GNB4: variants seen among roughly 807,000 people sequenced by gnomAD.
The protein encoded by GNB4 is guanine nucleotide-binding protein subunit beta-4.
GNB4 carries 28 observed loss-of-function variants against 45.2 expected under a neutral mutation model. That is an observed-to-expected ratio of 0.62 (90% CI 0.46 to 0.85). GNB4 has a LOEUF of 0.85. Among genes scored for constraint, GNB4 ranks in the 40% least tolerant of loss-of-function variants. The pLI, the probability that GNB4 is intolerant of heterozygous loss-of-function variation, is 0.00. For synonymous variants in GNB4, 132 were observed against 143.7 expected (o/e 0.92, Z 0.58); for missense variants, 321 against 425.4 (o/e 0.75, Z 2.16).
chr3:179,489,563 C>T, the GNB4 span, among the ~76,000 whole-genome samples: 24 of 152,108 alleles, frequency 1.6e-4, no homozygotes, highest in African/African-American at 4.1e-4. Flanking sequence ...ATCACTTGAG[C>T]GCAGGAGTCT....
chr3:179,420,470 A>T (rs12488106), intron 3 of GNB4, among the ~76,000 whole-genome samples: 60,437 of 119,034 alleles, frequency 0.51, 12,509 homozygotes, highest in Admixed American at 0.61. Flanking sequence ...ATATATATAT[A>T]TTTTTTTTTG....
At chr3:179,501,298 ATTTT>A in the GNB4 span, among the ~76,000 whole-genome samples, 5 of 131,202 alleles carry the variant, frequency 3.8e-5, no homozygotes, top group Non-Finnish European at 1.6e-5. Flanking sequence ...AATTGCCTAC[ATTTT>A]TTTTTTTTTT....
Position 179,398,923 on chromosome 3 carries a change from T to C in GNB4, c.*2290A>G, listed in dbSNP as rs1714201509. 6.6e-6 allele frequency: 1 copy of C among 152,208 alleles called. No homozygotes were observed. Among genetic ancestry groups the C allele is most frequent in the South Asian group, 2.1e-4 (1 of 4,828 alleles). The allele number at this position is 152,208 out of a possible 1,614,324, so 9.4% of individuals were successfully genotyped here. ...TAAACTTTAAGAACATTAAAATAAA[T>C]GTAATTTTAAAATATGTTAAGACCA... On this transcript the variant is annotated 3_prime_UTR_variant, in exon 10 of 10. Coordinates refer to ENST00000232564, the MANE Select transcript of GNB4 (RefSeq NM_021629.4).
the GNB4 span, among the ~76,000 whole-genome samples, chr3:179,527,130 T>C: frequency 7.2e-5 from 11 of 151,978 alleles, no homozygotes; most frequent in Non-Finnish European, 1.6e-4. Flanking sequence ...ATGGAGTCAA[T>C]GACTTCTGCT....
rs2108575181 is a variant in GNB4, at chr3:179,401,334, C to A, written c.917-15G>T. On this transcript the variant is annotated splice_polypyrimidine_tract_variant and intron_variant, in intron 9 of 9. Transcript: ENST00000232564. ...AGCAAGGACACCTGAAAAAAAAATT[C>A]AGTAAAAAATTGGCAATTGTAGGGT... 1 of 1,591,694 alleles carries A rather than the reference C, an allele frequency of 6.3e-7. No homozygotes were observed. The highest frequency in any genetic ancestry group is 1.3e-5 in the African/African-American group (1 of 74,238).
the GNB4 span, among the ~76,000 whole-genome samples, chr3:179,517,111 G>A: frequency 1.3e-5 from 2 of 152,174 alleles, no homozygotes; most frequent in Non-Finnish European, 2.9e-5. Flanking sequence ...TATTCCCCGT[G>A]ACCTGCACAT....
intron 6 of GNB4, 125 bp downstream of exon 6, chr3:179,414,760 A>C: frequency 1.6e-6 from 1 of 627,690 alleles, no homozygotes; most frequent in East Asian, 2.9e-5. Flanking sequence ...TGTTCATAAT[A>C]ATTTCATTCC....
At chr3:179,492,820 CAAGGTAAA>C in the GNB4 span, among the ~76,000 whole-genome samples, 1 of 152,198 alleles carries the variant, frequency 6.6e-6, no homozygotes, top group Non-Finnish European at 1.5e-5. Context: ...TTTGCCCCCT[CAAGGTAAA>C]AAGAAACCAA....
the GNB4 span, among the ~76,000 whole-genome samples, chr3:179,511,606 C>T: frequency 6.6e-6 from 1 of 152,244 alleles, no homozygotes; most frequent in East Asian, 1.9e-4. Context: ...CATCTTTGTA[C>T]CTCAGTCTCC....
At chr3:179,401,387 A>AGCGCCCCTCTCCGCGACTTTTTTTTTTC in intron 9 of GNB4, 68 bp from the exon 10 acceptor site, 1 of 851,232 alleles carries the variant, frequency 1.2e-6, no homozygotes, top group Admixed American at 2.5e-5. Context: ...ATATGCAGAG[A>AGCGCCCCTCTCCGCGACTTTTTTTTTTC]TTTAAAAGGG....
At chr3:179,416,738 A>G (rs1231835721) in intron 4 of GNB4, among the ~76,000 whole-genome samples, 182 bp from the exon 5 acceptor site, 1 of 152,234 alleles carries the variant, frequency 6.6e-6, no homozygotes, top group East Asian at 1.9e-4. Context: ...AATCTTGAAC[A>G]TATTTCATAA....
the GNB4 span, among the ~76,000 whole-genome samples, chr3:179,508,723 G>T: frequency 6.6e-6 from 1 of 151,540 alleles, no homozygotes; most frequent in East Asian, 1.9e-4. Flanking sequence ...ATAATTACTT[G>T]AAGTCATTAA....
the GNB4 span, among the ~76,000 whole-genome samples, chr3:179,491,526 G>A: frequency 6.6e-6 from 1 of 152,196 alleles, no homozygotes; most frequent in Admixed American, 6.5e-5. Context: ...ATTAGTGACA[G>A]TTATTTTTCT....
the GNB4 span, among the ~76,000 whole-genome samples, chr3:179,527,777 C>CGTGT: frequency 1.6e-3 from 195 of 122,264 alleles, no homozygotes; most frequent in Non-Finnish European, 2.6e-3. Flanking sequence ...CTGATAAGTG[C>CGTGT]GTGTGTGTAT....
intron 1 of GNB4, 114 bp from the exon 2 acceptor site, chr3:179,426,356 A>G: frequency 1.8e-6 from 1 of 567,466 alleles, no homozygotes; most frequent in South Asian, 2.5e-5. Context: ...CAATGGAGGT[A>G]GTCAATTATT....
intron 1 of GNB4, among the ~76,000 whole-genome samples, chr3:179,447,327 C>T (rs1044004953): frequency 1.4e-5 from 2 of 143,246 alleles, no homozygotes; most frequent in Non-Finnish European, 3.0e-5. Context: ...GCCCAGTCAC[C>T]GTCTCTTGAT....
At chr3:179,474,464 T>C in the GNB4 span, among the ~76,000 whole-genome samples, 3 of 152,272 alleles carry the variant, frequency 2.0e-5, no homozygotes, top group African/African-American at 7.2e-5. Context: ...CCTTGAGTGA[T>C]CTGCCTGCCT....
intron 8 of GNB4, chr3:179,410,297 A>C (rs1489120458): frequency 6.6e-6 from 1 of 152,236 alleles, no homozygotes; most frequent in Non-Finnish European, 1.5e-5. Flanking sequence ...AAAACAACAG[A>C]GTATCACTCA....
chr3:179,412,648 G>C (rs1714683993), intron 8 of GNB4, among the ~76,000 whole-genome samples: 2 of 152,108 alleles, frequency 1.3e-5, no homozygotes, highest in African/African-American at 4.8e-5. Context: ...GGTGCTTAAT[G>C]GCAGCAGAAC....
Sources: allele counts gnomAD v4.1 joint callset (sites outside exome capture counted in the v4.1 genomes callset), GRCh38; gene constraint gnomAD v4.1.1; transcripts MANE v1.5; gene names NCBI Gene and HGNC (gene_info 2026-07-23, HGNC 2026-07-21).